The following MCHR2 variants were observed in gnomAD, a reference collection of about 807,000 sequenced individuals.
MCHR2 encodes the protein melanin-concentrating hormone receptor 2.
MCHR2 carries 15 observed loss-of-function variants against 24.8 expected under a neutral mutation model. That is an observed-to-expected ratio of 0.60 (90% CI 0.40 to 0.93). The LOEUF is 0.93. Among genes scored for constraint, MCHR2 ranks in the 40% least tolerant of loss-of-function variants. MCHR2 has a pLI of 0.00. For missense variants in MCHR2, 386 were observed against 408.7 expected, an observed-to-expected ratio of 0.94 and a Z score of 0.48; for synonymous variants, 151 against 147.6, an observed-to-expected ratio of 1.02 and a Z score of -0.17.
At chr6:99,963,246 A>G (rs1421665838) in intron 1 of MCHR2, among the ~76,000 whole-genome samples, 1 of 152,112 alleles carries the variant, frequency 6.6e-6, no homozygotes. Flanking sequence ...CCTCAAGCCA[A>G]CAGGTAGAAA....
intron 1 of MCHR2, among the ~76,000 whole-genome samples, chr6:99,968,881 G>T (rs987766142): frequency 6.6e-6 from 1 of 151,988 alleles, no homozygotes; most frequent in African/African-American, 2.4e-5. Context: ...TAATCTATGG[G>T]CCAGATAAGT....
rs199556545 is a variant in MCHR2 at position 99,990,069 on chromosome 6, A to C, written c.-28+3867T>G. Among the ~76,000 whole-genome samples the C allele has an allele frequency of 3.7e-3, 540 of 147,604 alleles. 5 individuals are homozygous for C. Among genetic ancestry groups the C allele is most frequent in the African/African-American group, 0.012 (499 of 40,126 alleles). ...ATTGGCTTTAAAAAACAAAAAAAAA[A>C]CTAAATTCCATCTTAATGAAAGTGA... On this transcript the variant is annotated intron_variant, in intron 1 of 5. Transcript: ENST00000281806.
intron 1 of MCHR2, among the ~76,000 whole-genome samples, chr6:99,978,950 T>C (rs189333553): frequency 3.2e-4 from 49 of 152,206 alleles, no homozygotes; most frequent in Non-Finnish European, 5.6e-4. Flanking sequence ...CCATGGCCAG[T>C]ACTAGGCAAA....
At chr6:99,968,546 A>G (rs1424051453) in intron 1 of MCHR2, among the ~76,000 whole-genome samples, 1 of 152,140 alleles carries the variant, frequency 6.6e-6, no homozygotes, top group Non-Finnish European at 1.5e-5. Flanking sequence ...AGTTTTTCCT[A>G]ATGAGGAATA....
At chr6:99,940,462 C>A (rs956878143) in intron 4 of MCHR2, among the ~76,000 whole-genome samples, 1 of 151,792 alleles carries the variant, frequency 6.6e-6, no homozygotes, top group African/African-American at 2.4e-5. Context: ...TGTTAAATTT[C>A]TCTGATATAT....
chr6:99,992,016 C>A (rs76024500), intron 1 of MCHR2, among the ~76,000 whole-genome samples: 1 of 152,216 alleles, frequency 6.6e-6, no homozygotes, highest in Non-Finnish European at 1.5e-5. Context: ...AAAATAAATG[C>A]ATAAGGGATT....
intron 1 of MCHR2, among the ~76,000 whole-genome samples, chr6:99,957,651 T>G (rs1340574183): frequency 6.6e-6 from 1 of 152,044 alleles, no homozygotes; most frequent in Non-Finnish European, 1.5e-5. Flanking sequence ...TCTAAGAGAA[T>G]TTAGTAAGTT....
chr6:99,954,663 A>G (rs1179765911), intron 2 of MCHR2, among the ~76,000 whole-genome samples: 1 of 151,998 alleles, frequency 6.6e-6, no homozygotes, highest in Non-Finnish European at 1.5e-5. Flanking sequence ...TAATGGTCAT[A>G]TTTTTTACTG....
chr6:99,956,273 A>G, intron 1 of MCHR2, 99 bp from the exon 2 acceptor site: 1 of 819,416 alleles, frequency 1.2e-6, no homozygotes. Flanking sequence ...CTTTTTTAAA[A>G]CCAAGATTCC....
chr6:99,941,741 G>A (rs1774775457), intron 4 of MCHR2, among the ~76,000 whole-genome samples: 1 of 152,098 alleles, frequency 6.6e-6, no homozygotes, highest in African/African-American at 2.4e-5. Context: ...TGGATTTCCA[G>A]CTTCTAGAAC....
chr6:99,954,469 C>T (rs770171137), intron 2 of MCHR2, among the ~76,000 whole-genome samples: 5 of 152,070 alleles, frequency 3.3e-5, no homozygotes, highest in Non-Finnish European at 7.4e-5. Flanking sequence ...CGGTCCACAC[C>T]TGACCTCATG....
chr6:99,926,322 T>C (rs1029696032), intron 5 of MCHR2, among the ~76,000 whole-genome samples: 2 of 152,194 alleles, frequency 1.3e-5, no homozygotes, highest in African/African-American at 4.8e-5. Context: ...TATAGCAGCA[T>C]GATTTATAGT....
chr6:99,934,566 C>T (rs773507175), intron 4 of MCHR2, 49 bp from the exon 5 acceptor site: 1 of 1,471,982 alleles, frequency 6.8e-7, no homozygotes, highest in African/African-American at 1.4e-5. Context: ...AACACCATTA[C>T]ATTAATTGGA....
chr6:99,930,176 T>C (rs1264030174), intron 5 of MCHR2, among the ~76,000 whole-genome samples: 1 of 152,234 alleles, frequency 6.6e-6, no homozygotes, highest in African/African-American at 2.4e-5. Flanking sequence ...CCTCACTTTC[T>C]CCTGGCTTGT....
intron 1 of MCHR2, among the ~76,000 whole-genome samples, chr6:99,992,789 G>A (rs977831254): frequency 2.6e-5 from 4 of 152,140 alleles, no homozygotes; most frequent in Non-Finnish European, 5.9e-5. Context: ...GACAGTAAGT[G>A]AGGGCATGTC....
At chr6:99,956,716 GCGT>G (rs1775069407) in intron 1 of MCHR2, among the ~76,000 whole-genome samples, 1 of 152,098 alleles carries the variant, frequency 6.6e-6, no homozygotes, top group Non-Finnish European at 1.5e-5. Context: ...GAAGGGAAAA[GCGT>G]TGTAGCCAGC....
chr6:99,923,289 T>C (rs1387951172), intron 5 of MCHR2, among the ~76,000 whole-genome samples: 1 of 152,072 alleles, frequency 6.6e-6, no homozygotes, highest in African/African-American at 2.4e-5. Context: ...TTTTTTTGTG[T>C]GTGGAGTCTT....
Position 99,947,830 on chromosome 6 carries a change from G to A in MCHR2, c.324C>T (p.Ile108=), listed in dbSNP as rs752660073. The change falls in exon 3 of 6, where the codon ATC becomes ATT. Residue 108 remains isoleucine, a synonymous_variant. Transcript: ENST00000281806. The part of the protein sequence containing the change: ...EWVFGGPLCT[I]ITSLDTCNQF... ...GGTTACAAGTATCCAGGGATGTGAT[G>A]ATGGTGCAGAGAGGCCCCCCAAACA... is the stretch of plus-strand genomic sequence containing the variant. 1 of 1,613,828 alleles carries A rather than the reference G, an allele frequency of 6.2e-7. No homozygotes were observed. The highest frequency in any genetic ancestry group is 8.5e-7 in the Non-Finnish European group (1 of 1,179,802).
chr6:99,928,530 A>G (rs896532198), intron 5 of MCHR2, among the ~76,000 whole-genome samples: 14 of 152,150 alleles, frequency 9.2e-5, no homozygotes, highest in Non-Finnish European at 2.9e-5. Flanking sequence ...TTATTGGTCT[A>G]TTCAGAGATT....
Sources: gnomAD v4.1 joint callset for allele counts (sites outside exome capture counted in the v4.1 genomes callset) on GRCh38, gnomAD v4.1.1 for gene constraint, MANE v1.5 for transcripts, NCBI Gene and HGNC (gene_info 2026-07-23, HGNC 2026-07-21) for gene names.